The following BEGAIN variants were observed in gnomAD, a reference collection of about 807,000 sequenced individuals.
BEGAIN encodes the protein brain enriched guanylate kinase associated.
In BEGAIN, 19 loss-of-function variants were observed where a neutral mutation model predicts 35.8. The observed-to-expected ratio is 0.53, with a 90% confidence interval of 0.37 to 0.78. The LOEUF (loss-of-function observed/expected upper bound fraction) is 0.78. Among genes scored for constraint, BEGAIN ranks in the 30% least tolerant of loss-of-function variants. The probability of loss-of-function intolerance (pLI) is 0.00; values close to 1 mark genes in which losing one functional copy is unlikely to be tolerated. For synonymous variants in BEGAIN, 462 were observed against 388.6 expected, an observed-to-expected ratio of 1.19 and a Z score of -2.22; for missense variants, 795 against 853.6, an observed-to-expected ratio of 0.93 and a Z score of 0.85.
intron 4 of BEGAIN, among the ~76,000 whole-genome samples, chr14:100,544,584 G>A (rs2032109434): frequency 6.6e-6 from 1 of 152,218 alleles, no homozygotes; most frequent in Non-Finnish European, 1.5e-5. Flanking sequence ...CCTGCAGGTG[G>A]TGTGAGGGTC....
At chr14:100,541,741 C>T (rs953486385) in intron 5 of BEGAIN, among the ~76,000 whole-genome samples, 2 of 152,306 alleles carry the variant, frequency 1.3e-5, no homozygotes, top group Admixed American at 6.5e-5. Flanking sequence ...ATGCCCATAG[C>T]CCCTGGGGCA....
In BEGAIN at chr14:100,538,321, G is replaced by C. The variant is rs767781132; in HGVS notation, c.1487C>G (p.Ser496Cys). 105 of 1,522,230 alleles carry C rather than the reference G, an allele frequency of 6.9e-5. No homozygotes were observed. Among genetic ancestry groups the C allele is most frequent in the Middle Eastern group, 1.8e-4 (1 of 5,708 alleles). 94.3% of individuals were successfully genotyped at this position (1,522,230 alleles called of 1,614,324 possible). A position where few individuals can be genotyped will look rare whatever the true frequency, so the allele number is the denominator to read the frequency against. The change falls in exon 7 of 7, where the codon TCC becomes TGC. Residue 496 changes from serine to cysteine, a missense_variant. By Grantham distance (112) the Ser-to-Cys change is moderately radical (BLOSUM62 -1). This residue lies in a region of BEGAIN where 664 missense variants were observed against 647.7 expected (regional missense o/e 1.03). Coordinates refer to ENST00000554140, the MANE Select transcript of BEGAIN (RefSeq NM_001385089.1). The part of the protein sequence containing the change: ...LYASYKADSF[S>C]EGDDLSQGHL... Reference sequence around the variant, plus strand: ...GCCCTGGGAGAGGTCGTCCCCCTCGGAGAAGCTGTCGGCCTTGTAGCTGGC... The same window carrying C: ...GCCCTGGGAGAGGTCGTCCCCCTCGCAGAAGCTGTCGGCCTTGTAGCTGGC...
At position 100,567,920 on chromosome 14, in the gene BEGAIN, T is replaced by C; in HGVS notation, c.62A>G (p.Glu21Gly). ...GAGACGCTCCACTCACCTGAGTTTCTCCATGTCTGCGGCAGAGGCCTGCGA... is the reference window on the plus strand; with the variant it reads ...GAGACGCTCCACTCACCTGAGTTTCCCCATGTCTGCGGCAGAGGCCTGCGA... ...LRRAASAADM[E>G]KLSALQEQKG... The change falls in exon 2 of 7, where the codon GAG (glutamate) becomes GGG (glycine). Residue 21 changes from glutamate to glycine, a missense_variant. Glu to Gly is a moderately conservative substitution (Grantham distance 98). Around this residue, in one of 3 missense-constraint regions of BEGAIN, gnomAD observed 58 missense variants for 62.7 expected, o/e 0.92. Transcript: ENST00000554140. The surrounding 1 kb of genome is among the most constrained non-coding windows in gnomAD (Gnocchi z 5.1). 2.0e-6 allele frequency: 3 copies of C among 1,465,210 alleles called. No homozygotes were observed. The highest frequency in any genetic ancestry group is 3.1e-5 in the East Asian group (1 of 31,926). 90.8% of individuals were successfully genotyped at this position (1,465,210 alleles called of 1,614,324 possible).
Position 100,539,175 on chromosome 14 carries a change from G to T in BEGAIN, c.633C>A (p.Pro211=). 6.3e-7 allele frequency: 1 copy of T among 1,584,170 alleles called. No individual in the cohort carries two copies. Among genetic ancestry groups the T allele is most frequent in the Non-Finnish European group, 8.6e-7 (1 of 1,162,696 alleles). The change falls in exon 7 of 7, where the codon CCC becomes CCA. Residue 211 remains proline (P), a synonymous_variant. Coordinates refer to ENST00000554140, the MANE Select transcript of BEGAIN (RefSeq NM_001385089.1). ...CGGACAGGCGGGAGGACAGGCTGGC[G>T]GGGTCCGGCTTCTCCAGCACCTTGG... is the stretch of plus-strand genomic sequence containing the variant. ...VIAKVLEKPD[P]ASLSSRLSDA...
chr14:100,550,058 CGTGTGT>C (rs918276828), intron 2 of BEGAIN, among the ~76,000 whole-genome samples: 2 of 152,132 alleles, frequency 1.3e-5, no homozygotes, highest in African/African-American at 4.8e-5. Flanking sequence ...TGCACGTGTG[CGTGTGT>C]GTGGTGTGCG....
Position 100,584,074 on chromosome 14 carries a change from C to A in BEGAIN, c.42+3175G>T, listed in dbSNP as rs563267244. ...TTCCCTTCCATACAGTATCATCCAC[C>A]CATGCATCCCCTTCAGCATGCCTGC... On this transcript the variant is annotated intron_variant, in intron 1 of 6. Transcript: ENST00000554140. Among the ~76,000 whole-genome samples, 37 of 152,318 alleles carry A rather than the reference C, an allele frequency of 2.4e-4. No individual in the cohort carries two copies. The South Asian group carries it at 6.8e-3, about 28-fold the overall frequency.
chr14:100,568,237 C>T lies in BEGAIN; in HGVS notation c.43-298G>A, dbSNP rs1309655862. ...CCGGGATGGCCCGGCCAGGGGCGAT[C>T]TCGGCCTCGCCCGGAGGAGGGGGAC... On this transcript the variant is annotated intron_variant, in intron 1 of 6. Transcript: ENST00000554140. This position sits in a 1 kb window ranked among gnomAD's most constrained non-coding sequence, Gnocchi z 7.5. 6.2e-6 allele frequency: 4 copies of T among 644,610 alleles called. No homozygotes were observed. The East Asian group carries it at 3.0e-4, about 49-fold the overall frequency. 39.9% of individuals were successfully genotyped at this position (644,610 alleles called of 1,614,324 possible). A position where few individuals can be genotyped will look rare whatever the true frequency, so the allele number is the denominator to read the frequency against.
Position 100,546,617 on chromosome 14 carries a change from G to A in BEGAIN, c.117C>T (p.Tyr39=). The A allele has an allele frequency of 1.3e-6, 2 of 1,587,754 alleles. No homozygotes were observed. Among genetic ancestry groups the A allele is most frequent in the Non-Finnish European group, 1.7e-6 (2 of 1,170,672 alleles). Residue 39 remains tyrosine (Y), a synonymous_variant, in exon 3 of 7, where the codon TAC becomes TAT. Coordinates refer to ENST00000554140, the MANE Select transcript of BEGAIN (RefSeq NM_001385089.1). ...QKGELRKRLS[Y]TTHKLEKLET... ...CGAGCTTCTCGAGCTTGTGTGTGGT[G>A]TAGGACAGCCGCTTGCGCAGCTCGC...
chr14:100,568,491 G>A lies in BEGAIN; in HGVS notation c.43-552C>T. Reference sequence around the variant, plus strand: ...TTGGAGCCTCGACTCCTCAATCAGGGACCCGCTGCCCTCAGATTCTGGGGT... The same window carrying A: ...TTGGAGCCTCGACTCCTCAATCAGGAACCCGCTGCCCTCAGATTCTGGGGT... On this transcript the variant is annotated intron_variant, in intron 1 of 6. Coordinates refer to ENST00000554140, the MANE Select transcript of BEGAIN (RefSeq NM_001385089.1). This position sits in a 1 kb window ranked among gnomAD's most constrained non-coding sequence, Gnocchi z 7.5. 1 of 1,286,338 alleles carries A rather than the reference G, an allele frequency of 7.8e-7. No homozygotes were observed. The highest frequency in any genetic ancestry group is 1.0e-6 in the Non-Finnish European group (1 of 987,190). The allele number at this position is 1,286,338 out of a possible 1,614,324, so 79.7% of individuals were successfully genotyped here. A position where few individuals can be genotyped will look rare whatever the true frequency, so the allele number is the denominator to read the frequency against.
rs1475680366 is a variant in BEGAIN at position 100,573,864 on chromosome 14, G to A, written c.43-5925C>T. On this transcript the variant is annotated intron_variant, in intron 1 of 6. Transcript: ENST00000554140. This position sits in a 1 kb window ranked among gnomAD's most constrained non-coding sequence, Gnocchi z 4.2. ...GGGCAGCCACGGTGGGAGGCGACAG[G>A]GGCTGGGACAGAGCCCGGGACTCTG... Among the ~76,000 whole-genome samples, 1 of 151,916 alleles carries A rather than the reference G, an allele frequency of 6.6e-6. No homozygotes were observed. Among genetic ancestry groups the A allele is most frequent in the Admixed American group, 6.6e-5 (1 of 15,252 alleles).
In BEGAIN at chr14:100,546,784, A is replaced by G. The variant is rs1006011038; in HGVS notation, c.72-122T>C. Reference sequence around the variant, plus strand: ...TACCGGCGCGCGCGCGCGCGCGCACACACACACACACACACACACACACAC... The same window carrying G: ...TACCGGCGCGCGCGCGCGCGCGCACGCACACACACACACACACACACACAC... On this transcript the variant is annotated intron_variant, in intron 2 of 6. Coordinates refer to ENST00000554140, the MANE Select transcript of BEGAIN (RefSeq NM_001385089.1). The G allele has an allele frequency of 6.5e-3, 2,106 of 324,884 alleles. 5 individuals are homozygous for G. Among genetic ancestry groups the G allele is most frequent in the South Asian group, 0.022 (440 of 20,298 alleles). The allele number at this position is 324,884 out of a possible 1,614,324, so 20.1% of individuals were successfully genotyped here.
At position 100,573,993 on chromosome 14, in the gene BEGAIN, C is replaced by T. The variant is rs2035147124; in HGVS notation, c.43-6054G>A. ...TGCATTAAGGGTGGAGGTGGTCCTT[C>T]GGGGGCTGTCTCAAGGAGGAGAGCG... On this transcript the variant is annotated intron_variant, in intron 1 of 6. Coordinates refer to ENST00000554140, the MANE Select transcript of BEGAIN (RefSeq NM_001385089.1). This position sits in a 1 kb window ranked among gnomAD's most constrained non-coding sequence, Gnocchi z 4.2. Among the ~76,000 whole-genome samples the T allele has an allele frequency of 1.3e-5, 2 of 151,974 alleles. No individual in the cohort carries two copies. Among genetic ancestry groups the T allele is most frequent in the South Asian group, 2.1e-4 (1 of 4,816 alleles).
rs138242445 is a variant in BEGAIN at position 100,546,290 on chromosome 14, G to A, written c.233+211C>T. The A allele has an allele frequency of 4.8e-3, 1,528 of 319,360 alleles. 207 individuals carry two copies. The highest frequency in any genetic ancestry group is 0.029 in the African/African-American group (1,380 of 47,008). The allele number at this position is 319,360 out of a possible 1,614,324, so 19.8% of individuals were successfully genotyped here. ...CATCTGAGTGGAGTCAACAGCCAGG[G>A]TGAGAGGGGAGCACCGCGTGCGGCT... is the stretch of plus-strand genomic sequence containing the variant. On this transcript the variant is annotated intron_variant, in intron 3 of 6. Coordinates refer to ENST00000554140, the MANE Select transcript of BEGAIN (RefSeq NM_001385089.1).
At chr14:100,551,691 T>A (rs1240661736) in intron 2 of BEGAIN, among the ~76,000 whole-genome samples, 1 of 152,128 alleles carries the variant, frequency 6.6e-6, no homozygotes, top group African/African-American at 2.4e-5. Context: ...TTGCTAAAGA[T>A]CAAATTTTGG....
chr14:100,559,026 A>G (rs1363798030), intron 2 of BEGAIN, among the ~76,000 whole-genome samples: 1 of 152,162 alleles, frequency 6.6e-6, no homozygotes, highest in Non-Finnish European at 1.5e-5. Flanking sequence ...GTCAGCTGGC[A>G]GAAGGCCCTG....
At chr14:100,542,852 A>ACGTG (rs1194813150) in intron 5 of BEGAIN, among the ~76,000 whole-genome samples, 1 of 152,194 alleles carries the variant, frequency 6.6e-6, no homozygotes, top group Non-Finnish European at 1.5e-5. Context: ...GGGAAGCTGC[A>ACGTG]CGTGCAATCA....
rs1484192304 is a variant in BEGAIN, at chr14:100,563,590, A to G, written c.71+4321T>C. Among the ~76,000 whole-genome samples, 1 of 152,202 alleles carries G rather than the reference A, an allele frequency of 6.6e-6. No homozygotes were observed. The highest frequency in any genetic ancestry group is 1.5e-5 in the Non-Finnish European group (1 of 68,028). ...GAGGAAACCCAGCGGGCAGCAAACCAGGGCAGCCCACCCCAACAACGCTGG... is the reference window on the plus strand; with the variant it reads ...GAGGAAACCCAGCGGGCAGCAAACCGGGGCAGCCCACCCCAACAACGCTGG... On this transcript the variant is annotated intron_variant, in intron 2 of 6. Coordinates refer to ENST00000554140, the MANE Select transcript of BEGAIN (RefSeq NM_001385089.1). The surrounding 1 kb of genome is among the most constrained non-coding windows in gnomAD (Gnocchi z 4.2).
In BEGAIN at chr14:100,538,512, G is replaced by A. The variant is rs763442190; in HGVS notation, c.1296C>T (p.Asp432=). 6.7e-5 allele frequency: 102 copies of A among 1,526,908 alleles called. No individual in the cohort carries two copies. Among genetic ancestry groups the A allele is most frequent in the Non-Finnish European group, 8.1e-5 (93 of 1,141,324 alleles). 94.6% of individuals were successfully genotyped at this position (1,526,908 alleles called of 1,614,324 possible). Reference sequence around the variant, plus strand: ...TCAGGGGACGCCACTGGCCCCTCATGTCCTCCCCGGGGAGCCGGGCGGTCC... The same window carrying A: ...TCAGGGGACGCCACTGGCCCCTCATATCCTCCCCGGGGAGCCGGGCGGTCC... ...KPGTARLPGE[D]MRGQWRPLSV... The change falls in exon 7 of 7, where the codon GAC becomes GAT. Residue 432 remains aspartate (D), a synonymous_variant. Coordinates refer to ENST00000554140, the MANE Select transcript of BEGAIN (RefSeq NM_001385089.1).
chr14:100,539,958 G>A lies in BEGAIN; in HGVS notation c.492+538C>T, dbSNP rs372958588. ...GCTGGGAGATTGCATGTGAGGGGAG[G>A]GTCGGGGGACGGGGTGCGCAGGGTG... On this transcript the variant is annotated intron_variant, in intron 6 of 6. Coordinates refer to ENST00000554140, the MANE Select transcript of BEGAIN (RefSeq NM_001385089.1). 5.3e-5 allele frequency among the ~76,000 whole-genome samples: 8 copies of A among 152,208 alleles called. No homozygotes were observed. In the East Asian group the frequency reaches 1.6e-3, roughly 30 times the overall value.
Sources: gnomAD v4.1 joint callset for allele counts (sites outside exome capture counted in the v4.1 genomes callset) on GRCh38, gnomAD v4.1.1 for gene constraint, gnomAD v4.1.1 regional missense constraint, Gnocchi (gnomAD v3.1) non-coding constraint, MANE v1.5 for transcripts, NCBI Gene and HGNC (gene_info 2026-07-23, HGNC 2026-07-21) for gene names.